NELL1: variants seen among roughly 807,000 people sequenced by gnomAD.
The protein encoded by NELL1 is neural EGFL like 1.
NELL1 carries 76 observed loss-of-function variants against 107.4 expected under a neutral mutation model. The observed-to-expected ratio is 0.71, with a 90% CI of 0.59 to 0.86. The LOEUF is 0.86. NELL1 is among the 40% of genes least tolerant of loss of function. The pLI is 0.00. For synonymous variants in NELL1, 353 were observed against 341.2 expected, an observed-to-expected ratio of 1.03 and a Z score of -0.38; for missense variants, 1,024 against 1,005.5, an observed-to-expected ratio of 1.02 and a Z score of -0.25.
chr11:20,703,716 C>T (rs3018379), intron 2 of NELL1, among the ~76,000 whole-genome samples: 60,221 of 151,936 alleles, frequency 0.4, 13,853 homozygotes, highest in African/African-American at 0.63. Flanking sequence ...TTTGTTCTCA[C>T]TGGTTTCAGA....
At chr11:21,215,264 TG>T (rs1857588922) in intron 13 of NELL1, among the ~76,000 whole-genome samples, 1 of 152,192 alleles carries the variant, frequency 6.6e-6, no homozygotes, top group South Asian at 2.1e-4. Flanking sequence ...AGGACATGTT[TG>T]CTTCTTCTTC....
At chr11:21,457,266 TG>T (rs1294909037) in intron 15 of NELL1, among the ~76,000 whole-genome samples, 2 of 152,120 alleles carry the variant, frequency 1.3e-5, no homozygotes, top group African/African-American at 4.8e-5. Flanking sequence ...TGGAATATTA[TG>T]GGAAAACAAA....
intron 5 of NELL1, among the ~76,000 whole-genome samples, chr11:20,911,836 C>T (rs1850138954): frequency 1.3e-5 from 2 of 152,130 alleles, no homozygotes; most frequent in Non-Finnish European, 2.9e-5. Context: ...TTCTGGCCAT[C>T]CTTTTATGAG....
chr11:21,427,428 C>T (rs773484736), intron 15 of NELL1, among the ~76,000 whole-genome samples: 7 of 152,144 alleles, frequency 4.6e-5, no homozygotes, highest in African/African-American at 1.2e-4. Flanking sequence ...TTTTTTACAG[C>T]GAACTTCAAC....
intron 4 of NELL1, among the ~76,000 whole-genome samples, chr11:20,862,690 G>A (rs948263889): frequency 6.7e-6 from 1 of 150,008 alleles, no homozygotes; most frequent in African/African-American, 2.5e-5. Context: ...AATAGTGGAG[G>A]GAAGGTCAGC....
chr11:21,512,046 G>T (rs1855450182), intron 15 of NELL1, among the ~76,000 whole-genome samples: 2 of 152,178 alleles, frequency 1.3e-5, no homozygotes, highest in South Asian at 4.1e-4. Context: ...CCACCTGGTG[G>T]CGATGGTCCT....
intron 4 of NELL1, among the ~76,000 whole-genome samples, chr11:20,853,097 G>A (rs1443582210): frequency 6.6e-6 from 1 of 152,184 alleles, no homozygotes; most frequent in African/African-American, 2.4e-5. Flanking sequence ...ATCTGATTCT[G>A]TACCAGTCAC....
At chr11:21,061,234 A>G (rs550201449) in intron 12 of NELL1, among the ~76,000 whole-genome samples, 4 of 152,312 alleles carry the variant, frequency 2.6e-5, no homozygotes, top group African/African-American at 7.2e-5. Flanking sequence ...ACAGTAGGCA[A>G]ACACATAAGT....
intron 15 of NELL1, among the ~76,000 whole-genome samples, chr11:21,471,862 G>C (rs891201044): frequency 1.3e-5 from 2 of 152,024 alleles, no homozygotes; most frequent in Non-Finnish European, 2.9e-5. Flanking sequence ...TGAAAAGCCA[G>C]TATATTTTGG....
intron 14 of NELL1, among the ~76,000 whole-genome samples, chr11:21,233,853 A>G (rs1858128838): frequency 6.6e-6 from 1 of 152,210 alleles, no homozygotes; most frequent in Admixed American, 6.5e-5. Flanking sequence ...GGATGTGGTG[A>G]TCTTTGAAAG....
chr11:21,520,845 C>T (rs1186052013), intron 15 of NELL1, among the ~76,000 whole-genome samples: 1 of 152,248 alleles, frequency 6.6e-6, no homozygotes, highest in East Asian at 1.9e-4. Context: ...GTCCTTGACT[C>T]CTTCCTTTGG....
At chr11:21,539,553 G>A (rs1192453321) in intron 16 of NELL1, among the ~76,000 whole-genome samples, 1 of 151,614 alleles carries the variant, frequency 6.6e-6, no homozygotes, top group South Asian at 2.1e-4. Flanking sequence ...CTGGGAAGAC[G>A]ATCTTCCCCT....
At chr11:21,175,457 A>G (rs1286157715) in intron 13 of NELL1, among the ~76,000 whole-genome samples, 1 of 151,854 alleles carries the variant, frequency 6.6e-6, no homozygotes, top group East Asian at 1.9e-4. Context: ...CACTGTAAAT[A>G]TTTCCTGTTG....
intron 10 of NELL1, 132 bp from the exon 11 acceptor site, chr11:20,947,204 T>C: frequency 1.6e-6 from 1 of 620,312 alleles, no homozygotes; most frequent in Non-Finnish European, 2.9e-6. Context: ...TTATCGTTTT[T>C]AGTGGAATCC....
At chr11:21,232,155 A>ATATATAT (rs1554985087) in intron 14 of NELL1, among the ~76,000 whole-genome samples, 21 of 50,018 alleles carry the variant, frequency 4.2e-4, no homozygotes, top group African/African-American at 1.8e-3. Flanking sequence ...AATAAAAAAA[A>ATATATAT]AAAAATATAT....
intron 3 of NELL1, among the ~76,000 whole-genome samples, chr11:20,821,929 C>T (rs1857763347): frequency 6.6e-6 from 1 of 152,184 alleles, no homozygotes; most frequent in Non-Finnish European, 1.5e-5. Flanking sequence ...TAGCTGAGGG[C>T]CTCTCTCTAG....
chr11:21,342,420 G>T (rs867725000), intron 14 of NELL1, among the ~76,000 whole-genome samples: 4 of 147,290 alleles, frequency 2.7e-5, no homozygotes, highest in African/African-American at 5.0e-5. Flanking sequence ...GTGGGGGGGG[G>T]GGTCACTTGA....
At chr11:21,040,541 G>A (rs1005674289) in intron 12 of NELL1, among the ~76,000 whole-genome samples, 3 of 151,924 alleles carry the variant, frequency 2.0e-5, no homozygotes, top group African/African-American at 4.8e-5. Context: ...GTCCTGGCTC[G>A]GACCCTTCCT....
chr11:20,777,659 C>T (rs924271847), intron 2 of NELL1, among the ~76,000 whole-genome samples: 18 of 152,158 alleles, frequency 1.2e-4, no homozygotes, highest in African/African-American at 4.1e-4. Flanking sequence ...TGTTGCTTTA[C>T]CTTTTGGGGC....
Sources: allele counts gnomAD v4.1 joint callset (sites outside exome capture counted in the v4.1 genomes callset), GRCh38; gene constraint gnomAD v4.1.1; transcripts MANE v1.5; gene names NCBI Gene and HGNC (gene_info 2026-07-23, HGNC 2026-07-21).